ESYT2: variants seen among roughly 807,000 people sequenced by gnomAD.
The protein encoded by ESYT2 is extended synaptotagmin-2.
Under a neutral mutation model 107.2 loss-of-function variants are expected in ESYT2, and 54 were observed. The ratio of observed to expected loss-of-function variants is 0.50; its 90% CI spans 0.40 to 0.63. The LOEUF is 0.63. Ranked by LOEUF, ESYT2 falls within the 30% of genes least tolerant of loss-of-function variation. The pLI is 0.00. For missense variants in ESYT2, 1,020 were observed against 1,094.5 expected (o/e 0.93, Z 0.96); for synonymous variants, 491 against 434.1 (o/e 1.13, Z -1.63).
chr7:158,781,071 GCAAATGTGAGAA>G (rs1237566945), intron 6 of ESYT2, among the ~76,000 whole-genome samples: 10 of 152,356 alleles, frequency 6.6e-5, no homozygotes, highest in South Asian at 4.1e-4. Context: ...GAACATAAGA[GCAAATGTGAGAA>G]CAAATGTGAG....
intron 3 of ESYT2, 90 bp downstream of exon 3, chr7:158,797,852 T>G (rs1839512839): frequency 2.8e-6 from 4 of 1,419,282 alleles, no homozygotes; most frequent in Non-Finnish European, 3.7e-6. Flanking sequence ...AGACTCCGTC[T>G]CAAGAAAAAA....
chr7:158,773,265 A>C, intron 7 of ESYT2, 76 bp downstream of exon 7: 1 of 1,512,024 alleles, frequency 6.6e-7, no homozygotes, highest in Non-Finnish European at 9.2e-7. Context: ...AACCATTCTC[A>C]CACTATTGTC....
In ESYT2 at chr7:158,767,668, A is replaced by T. The variant is rs1483688549; in HGVS notation, c.910T>A (p.Phe304Ile). 6.2e-7 allele frequency: 1 copy of T among 1,612,042 alleles called. No individual in the cohort carries two copies. Among genetic ancestry groups the T allele is most frequent in the Admixed American group, 1.7e-5 (1 of 59,722 alleles). Residue 304 changes from phenylalanine to isoleucine, a missense_variant, in exon 8 of 23, where the codon TTT becomes ATT. Phe to Ile is a conservative substitution (Grantham distance 21). Coordinates refer to ENST00000275418, the MANE Select transcript of ESYT2 (RefSeq NM_001367773.1). ...GACACGCTTACCTTTGGTACAGGAA[A>T]CCGCAACTGAGCTATTTGAACTTCA... Reference protein sequence around the residue: ...VSEVQIAQLRFPVPKGVLRIH... With the variant: ...VSEVQIAQLRIPVPKGVLRIH...
Position 158,731,341 on chromosome 7 carries a change from G to A in ESYT2, c.*2866C>T. 2 of 152,426 alleles carry A rather than the reference G, an allele frequency of 1.3e-5. No individual in the cohort carries two copies. Among genetic ancestry groups the A allele is most frequent in the Non-Finnish European group, 2.9e-5 (2 of 68,106 alleles). The allele number at this position is 152,426 out of a possible 1,614,324, so 9.4% of individuals were successfully genotyped here. On this transcript the variant is annotated 3_prime_UTR_variant, in exon 23 of 23. Transcript: ENST00000275418. ...TTTTGAGACGGAGTCTCACTCTGTTGCCCAGGCTGGAGTGCAGTGGTGCGA... is the reference window on the plus strand; with the variant it reads ...TTTTGAGACGGAGTCTCACTCTGTTACCCAGGCTGGAGTGCAGTGGTGCGA...
chr7:158,761,369 T>C, intron 11 of ESYT2, 127 bp downstream of exon 11: 1 of 739,794 alleles, frequency 1.4e-6, no homozygotes, highest in South Asian at 1.8e-5. Context: ...AAGTAAATGT[T>C]GTTCATGCCA....
intron 1 of ESYT2, among the ~76,000 whole-genome samples, chr7:158,817,397 A>C (rs1054051374): frequency 2.0e-5 from 3 of 152,222 alleles, no homozygotes; most frequent in African/African-American, 4.8e-5. Context: ...TCTAGACAGT[A>C]ACTTAACCAA....
intron 15 of ESYT2, among the ~76,000 whole-genome samples, 169 bp downstream of exon 15, chr7:158,749,480 A>G (rs1379584226): frequency 2.0e-5 from 3 of 152,214 alleles, no homozygotes; most frequent in Admixed American, 6.5e-5. Flanking sequence ...CTGGTTATCT[A>G]TATCAAATGA....
chr7:158,780,503 T>C (rs10250199), intron 6 of ESYT2, among the ~76,000 whole-genome samples: 3,381 of 152,314 alleles, frequency 0.022, 129 homozygotes, highest in African/African-American at 0.077. Flanking sequence ...TTCTGACCAA[T>C]TGTCTTAGAA....
At chr7:158,788,141 G>A (rs762862447) in intron 5 of ESYT2, 48 bp from the exon 6 acceptor site, 64 of 1,510,160 alleles carry the variant, frequency 4.2e-5, no homozygotes, top group Non-Finnish European at 5.7e-5. Flanking sequence ...ACATTCTGCA[G>A]GGCCGCTTAA....
chr7:158,734,532 TA>T (rs1836850756), intron 21 of ESYT2, 61 bp from the exon 22 acceptor site: 1 of 1,503,658 alleles, frequency 6.7e-7, no homozygotes, highest in Admixed American at 1.8e-5. Flanking sequence ...CTCCCGTCTG[TA>T]ATCCCAGCAC....
At chr7:158,749,367 C>T (rs1162648849) in intron 15 of ESYT2, among the ~76,000 whole-genome samples, 1 of 152,186 alleles carries the variant, frequency 6.6e-6, no homozygotes, top group African/African-American at 2.4e-5. Context: ...GATCTCCCTG[C>T]CTCGGCCTCC....
chr7:158,763,212 TCATACACTGA>T (rs1456357716), intron 9 of ESYT2, 47 bp from the exon 10 acceptor site: 13 of 1,366,076 alleles, frequency 9.5e-6, no homozygotes, highest in Non-Finnish European at 1.3e-5. Flanking sequence ...ACTAATATAG[TCATACACTGA>T]GTATGATATG....
intron 1 of ESYT2, among the ~76,000 whole-genome samples, chr7:158,812,388 G>C (rs1232088340): frequency 6.6e-6 from 1 of 152,210 alleles, no homozygotes; most frequent in Non-Finnish European, 1.5e-5. Flanking sequence ...TCGGGGAGAT[G>C]TAAGTCAGAG....
chr7:158,787,827 G>A (rs1370519381), intron 6 of ESYT2, among the ~76,000 whole-genome samples, 177 bp downstream of exon 6: 1 of 152,088 alleles, frequency 6.6e-6, no homozygotes, highest in Non-Finnish European at 1.5e-5. Context: ...TGTTTATCAA[G>A]AGATAAGCTC....
intron 17 of ESYT2, among the ~76,000 whole-genome samples, 192 bp downstream of exon 17, chr7:158,743,337 C>A (rs976391619): frequency 2.0e-5 from 3 of 152,174 alleles, no homozygotes; most frequent in Non-Finnish European, 4.4e-5. Flanking sequence ...GAGTCCCAGC[C>A]TTTGTCTTCT....
intron 6 of ESYT2, among the ~76,000 whole-genome samples, chr7:158,782,625 G>A (rs1472951138): frequency 7.4e-6 from 1 of 135,700 alleles, no homozygotes; most frequent in Non-Finnish European, 1.6e-5. Flanking sequence ...ATGAGAACAT[G>A]TGAAGTGGGT....
chr7:158,738,810 G>A (rs558050305), intron 19 of ESYT2, among the ~76,000 whole-genome samples: 3 of 152,310 alleles, frequency 2.0e-5, no homozygotes, highest in African/African-American at 7.2e-5. Flanking sequence ...GATCTTAGGG[G>A]ACCGTTGTAC....
chr7:158,738,265 T>C (rs1837038226), intron 19 of ESYT2, among the ~76,000 whole-genome samples: 1 of 149,338 alleles, frequency 6.7e-6, no homozygotes, highest in Non-Finnish European at 1.5e-5. Flanking sequence ...TAAGATGAGA[T>C]TGTGCCACTG....
intron 4 of ESYT2, among the ~76,000 whole-genome samples, chr7:158,791,431 G>A (rs73523686): frequency 0.021 from 3,150 of 152,264 alleles, 105 homozygotes; most frequent in African/African-American, 0.07. Context: ...CAATTCTTTC[G>A]GGTATGTACA....
Sources: allele counts gnomAD v4.1 joint callset (sites outside exome capture counted in the v4.1 genomes callset), GRCh38; gene constraint gnomAD v4.1.1; transcripts MANE v1.5; gene names NCBI Gene and HGNC (gene_info 2026-07-23, HGNC 2026-07-21).